NRF1: variants seen among roughly 807,000 people sequenced by gnomAD.
NRF1 encodes the protein nuclear respiratory factor 1.
Under a neutral mutation model 58.5 loss-of-function variants are expected in NRF1, and 5 were observed. The ratio of observed to expected loss-of-function variants is 0.09; its 90% CI spans 0.04 to 0.18. NRF1 has a LOEUF of 0.18. NRF1 is among the 10% of genes least tolerant of loss of function. The pLI, the probability that NRF1 is intolerant of heterozygous loss-of-function variation, is 1.00. For synonymous variants in NRF1, 224 were observed against 246.7 expected (o/e 0.91, Z 0.86); for missense variants, 288 against 657.7 (o/e 0.44, Z 6.15).
intron 1 of NRF1, among the ~76,000 whole-genome samples, chr7:129,613,473 ATATT>A (rs1430285110): frequency 3.3e-5 from 5 of 152,122 alleles, no homozygotes; most frequent in Non-Finnish European, 7.4e-5. Context: ...GCAATGTAGA[ATATT>A]TATTCTTAAC....
In NRF1 at chr7:129,744,353, G is replaced by C; in HGVS notation, c.1349-10665G>C. ...CTCTACTGTGCAGTCCCCCTCACTC[G>C]GTCACCTGATAGTTTTAGTAACCAT... On this transcript the variant is annotated intron_variant, in intron 10 of 10. Transcript: ENST00000393232. 12 of 688,186 alleles carry C rather than the reference G, an allele frequency of 1.7e-5. No individual in the cohort carries two copies. The South Asian group carries it at 2.2e-4, about 13-fold the overall frequency. 42.6% of individuals were successfully genotyped at this position (688,186 alleles called of 1,614,324 possible).
At chr7:129,708,004 A>G (rs1802989737) in intron 5 of NRF1, among the ~76,000 whole-genome samples, 1 of 152,082 alleles carries the variant, frequency 6.6e-6, no homozygotes. Flanking sequence ...AATTATTCTC[A>G]TTTCTGTTTT....
At chr7:129,665,659 T>A (rs966698986) in intron 2 of NRF1, among the ~76,000 whole-genome samples, 6 of 152,210 alleles carry the variant, frequency 3.9e-5, no homozygotes, top group South Asian at 2.1e-4. Flanking sequence ...GGTTTCACTC[T>A]GTTGTCCAGA....
chr7:129,705,091 A>G (rs1456858661), intron 5 of NRF1, among the ~76,000 whole-genome samples: 1 of 152,236 alleles, frequency 6.6e-6, no homozygotes, highest in Non-Finnish European at 1.5e-5. Flanking sequence ...TTTTAGAACA[A>G]AAGTTATGAA....
At chr7:129,728,468 CAAAAAAAAAAAAAA>C (rs60777041) in intron 10 of NRF1, among the ~76,000 whole-genome samples, 3 of 96,354 alleles carry the variant, frequency 3.1e-5, no homozygotes, top group Admixed American at 9.9e-5. Flanking sequence ...GACTCCGTCT[CAAAAAAAAAAAAAA>C]AAAAAAAAAA....
At chr7:129,645,124 T>C (rs1801375841) in intron 1 of NRF1, among the ~76,000 whole-genome samples, 1 of 152,144 alleles carries the variant, frequency 6.6e-6, no homozygotes, top group African/African-American at 2.4e-5. Flanking sequence ...GGAATAAGAA[T>C]AAGTTACACT....
At chr7:129,652,334 A>G (rs536835429) in intron 1 of NRF1, among the ~76,000 whole-genome samples, 7 of 152,304 alleles carry the variant, frequency 4.6e-5, no homozygotes, top group African/African-American at 1.7e-4. Flanking sequence ...AAATGTGTGT[A>G]TATGTTCATG....
intron 1 of NRF1, among the ~76,000 whole-genome samples, chr7:129,634,272 C>G (rs1367238523): frequency 6.6e-6 from 1 of 152,022 alleles, no homozygotes; most frequent in Non-Finnish European, 1.5e-5. Flanking sequence ...TGTGTTTGTG[C>G]AGTCTGTGGA....
intron 10 of NRF1, among the ~76,000 whole-genome samples, chr7:129,740,303 A>G (rs944052503): frequency 6.6e-6 from 1 of 152,242 alleles, no homozygotes; most frequent in Non-Finnish European, 1.5e-5. Flanking sequence ...CACTGCTACA[A>G]CTGCTGTTAT....
At position 129,657,474 on chromosome 7, in the gene NRF1, T is replaced by C; in HGVS notation, c.123T>C (p.Asp41=). The C allele has an allele frequency of 6.2e-7, 1 of 1,614,118 alleles. No homozygotes were observed. Among genetic ancestry groups the C allele is most frequent in the Non-Finnish European group, 8.5e-7 (1 of 1,179,996 alleles). ...CCGAGCATAGTATGCTGAGTGCTGA[T>C]GAAGACTCGCCTTCTTCTCCCGAGG... ...TYTEHSMLSA[D]EDSPSSPEDT... The change falls in exon 2 of 11, where the codon GAT becomes GAC. Residue 41 remains aspartate, a synonymous_variant. Coordinates refer to ENST00000393232, the MANE Select transcript of NRF1 (RefSeq NM_005011.5).
chr7:129,619,655 C>G (rs1268176922), intron 1 of NRF1, among the ~76,000 whole-genome samples: 1 of 149,082 alleles, frequency 6.7e-6, no homozygotes, highest in Non-Finnish European at 1.5e-5. Context: ...TGTCTCTCTG[C>G]AATGGGAGTT....
chr7:129,695,150 T>G (rs977033208), intron 5 of NRF1, among the ~76,000 whole-genome samples: 23 of 152,174 alleles, frequency 1.5e-4, no homozygotes, highest in African/African-American at 5.1e-4. Flanking sequence ...GGGCTTTATT[T>G]TTCTGTTTCT....
chr7:129,625,731 G>GAGT (rs1800899578), intron 1 of NRF1, among the ~76,000 whole-genome samples: 1 of 143,638 alleles, frequency 7.0e-6, no homozygotes, highest in African/African-American at 2.6e-5. Flanking sequence ...GCCCAGGCTG[G>GAGT]AGTGCAGTGG....
intron 1 of NRF1, among the ~76,000 whole-genome samples, chr7:129,625,725 A>C (rs1278506512): frequency 1.7e-5 from 2 of 116,198 alleles, no homozygotes; most frequent in African/African-American, 6.8e-5. Context: ...TCTGTTGCCC[A>C]GGCTGGAGTG....
At chr7:129,625,455 AC>A (rs1800891735) in intron 1 of NRF1, among the ~76,000 whole-genome samples, 1 of 151,970 alleles carries the variant, frequency 6.6e-6, no homozygotes, top group South Asian at 2.1e-4. Flanking sequence ...ATGTTATTTA[AC>A]TTTTCTGAGT....
At chr7:129,680,561 G>A (rs1030972877) in intron 4 of NRF1, among the ~76,000 whole-genome samples, 3 of 152,176 alleles carry the variant, frequency 2.0e-5, no homozygotes, top group Non-Finnish European at 4.4e-5. Flanking sequence ...ATCGGCTGAT[G>A]AATGGATAAA....
intron 1 of NRF1, among the ~76,000 whole-genome samples, chr7:129,619,423 T>TACACACAC (rs1353426092): frequency 4.4e-4 from 38 of 87,350 alleles, no homozygotes; most frequent in East Asian, 1.6e-3. Context: ...TATATATATA[T>TACACACAC]ATATATATAT....
intron 8 of NRF1, among the ~76,000 whole-genome samples, chr7:129,713,091 T>TC (rs1303977973): frequency 6.8e-6 from 1 of 147,440 alleles, no homozygotes. Context: ...GAGTTGCGTT[T>TC]CCTTTTTTTT....
chr7:129,735,638 T>G (rs1803689954), intron 10 of NRF1, among the ~76,000 whole-genome samples: 1 of 152,336 alleles, frequency 6.6e-6, no homozygotes, highest in African/African-American at 2.4e-5. Context: ...GGGTAGCGTG[T>G]CCCACGTTCT....
Sources: gnomAD v4.1 joint callset for allele counts (sites outside exome capture counted in the v4.1 genomes callset) on GRCh38, gnomAD v4.1.1 for gene constraint, MANE v1.5 for transcripts, NCBI Gene and HGNC (gene_info 2026-07-23, HGNC 2026-07-21) for gene names.